LMO1: variants seen among roughly 807,000 people sequenced by gnomAD.
The protein encoded by LMO1 is rhombotin-1.
Under a neutral mutation model 18.0 loss-of-function variants are expected in LMO1, and 10 were observed. The observed-to-expected ratio is 0.55, with a 90% CI of 0.34 to 0.94. The LOEUF (loss-of-function observed/expected upper bound fraction) is 0.94. Among genes scored for constraint, LMO1 ranks in the 40% least tolerant of loss-of-function variants. LMO1 has a pLI of 0.02. For missense variants in LMO1, 183 were observed against 205.7 expected, an observed-to-expected ratio of 0.89 and a Z score of 0.68; for synonymous variants, 77 against 77.9, an observed-to-expected ratio of 0.99 and a Z score of 0.06.
At chr11:8,248,204 C>T (rs867918529) in intron 1 of LMO1, among the ~76,000 whole-genome samples, 1 of 152,254 alleles carries the variant, frequency 6.6e-6, no homozygotes, top group Non-Finnish European at 1.5e-5. Flanking sequence ...GGCCCTCATG[C>T]CGCTGCCGTC....
At chr11:8,249,854 C>G (rs983418610) in intron 1 of LMO1, among the ~76,000 whole-genome samples, 1 of 152,132 alleles carries the variant, frequency 6.6e-6, no homozygotes, top group Non-Finnish European at 1.5e-5. Context: ...ATTCATTATC[C>G]GCTCAACAAA....
upstream of LMO1, among the ~76,000 whole-genome samples, chr11:8,266,000 A>T (rs1415978775): frequency 6.7e-6 from 1 of 149,996 alleles, no homozygotes; most frequent in Non-Finnish European, 1.5e-5. Flanking sequence ...AAGGTACCTA[A>T]TTGGCAGCCA....
chr11:8,226,374 G>T (rs578230407), intron 3 of LMO1, among the ~76,000 whole-genome samples: 1 of 152,106 alleles, frequency 6.6e-6, no homozygotes, highest in Admixed American at 6.5e-5. Context: ...TTAGCCAGGC[G>T]TGGTGGCACA....
At chr11:8,229,365 C>T (rs955326529) in intron 2 of LMO1, among the ~76,000 whole-genome samples, 7 of 152,186 alleles carry the variant, frequency 4.6e-5, no homozygotes, top group African/African-American at 1.4e-4. Flanking sequence ...CTGATAACCT[C>T]CCCCTTGCAA....
At chr11:8,236,426 G>A (rs765307556) in intron 1 of LMO1, among the ~76,000 whole-genome samples, 30 of 151,068 alleles carry the variant, frequency 2.0e-4, no homozygotes, top group Non-Finnish European at 3.7e-4. Flanking sequence ...GGCTGGTCTC[G>A]AACTCCTGGG....
intron 1 of LMO1, among the ~76,000 whole-genome samples, chr11:8,249,503 T>C (rs1846951875): frequency 6.6e-6 from 1 of 152,228 alleles, no homozygotes; most frequent in Non-Finnish European, 1.5e-5. Flanking sequence ...GTTGTACACA[T>C]GGACATAAAG....
At chr11:8,246,079 T>C (rs1220275719) in intron 1 of LMO1, among the ~76,000 whole-genome samples, 1 of 152,154 alleles carries the variant, frequency 6.6e-6, no homozygotes, top group East Asian at 1.9e-4. Flanking sequence ...ATCCCCGTGA[T>C]CCAATCACCT....
upstream of LMO1, chr11:8,268,716 C>T: frequency 4.2e-6 from 1 of 236,972 alleles, no homozygotes. Flanking sequence ...GCTGCCCGGG[C>T]CGGGCCGCAG....
intron 1 of LMO1, among the ~76,000 whole-genome samples, chr11:8,256,407 C>A (rs896327392): frequency 2.6e-5 from 4 of 152,116 alleles, no homozygotes; most frequent in African/African-American, 4.8e-5. Context: ...ATCATGCTAG[C>A]GGACTACACC....
chr11:8,237,340 C>G (rs1214374232), intron 1 of LMO1, among the ~76,000 whole-genome samples: 2 of 152,234 alleles, frequency 1.3e-5, no homozygotes, highest in Non-Finnish European at 2.9e-5. Flanking sequence ...TAATCTAACT[C>G]TGCAGAATCT....
intron 1 of LMO1, among the ~76,000 whole-genome samples, chr11:8,251,772 TGTGGAGGG>T (rs995661269): frequency 6.1e-5 from 9 of 146,752 alleles, no homozygotes; most frequent in Non-Finnish European, 9.0e-5. Flanking sequence ...GTGTGGTGTG[TGTGGAGGG>T]GTGGAGGGGT....
intron 1 of LMO1, among the ~76,000 whole-genome samples, chr11:8,251,951 AGTGT>A (rs1847006482): frequency 1.1e-5 from 1 of 94,808 alleles, no homozygotes; most frequent in Non-Finnish European, 2.1e-5. Context: ...TGTATGTGGG[AGTGT>A]GTGTTTGTGT....
chr11:8,234,019 C>T (rs1272178689), intron 1 of LMO1, among the ~76,000 whole-genome samples: 2 of 152,190 alleles, frequency 1.3e-5, no homozygotes, highest in African/African-American at 4.8e-5. Flanking sequence ...TTTGCGCCGA[C>T]ACGCACGCCT....
Position 8,263,476 on chromosome 11 carries a change from C to G in LMO1, c.-114G>C. On this transcript the variant is annotated 5_prime_UTR_variant, in exon 1 of 4. Coordinates refer to ENST00000335790, the MANE Select transcript of LMO1 (RefSeq NM_002315.3). The stretch of plus-strand genomic sequence containing the variant: ...GGGCAGCTAGCGGGCTCTAATTACC[C>G]GCTTGTCCGGCTCTTAACCTAGATT... 2.0e-6 allele frequency: 3 copies of G among 1,528,430 alleles called. No homozygotes were observed. The highest frequency in any genetic ancestry group is 2.6e-6 in the Non-Finnish European group (3 of 1,145,936). 94.7% of individuals were successfully genotyped at this position (1,528,430 alleles called of 1,614,324 possible). A position where few individuals can be genotyped will look rare whatever the true frequency, so the allele number is the denominator to read the frequency against.
Position 8,226,959 on chromosome 11 carries a change from C to A in LMO1, c.365+16G>T. 2 of 1,605,084 alleles carry A rather than the reference C, an allele frequency of 1.2e-6. No homozygotes were observed. Among genetic ancestry groups the A allele is most frequent in the Non-Finnish European group, 1.7e-6 (2 of 1,174,086 alleles). ...GCGTCTGGGGAGTGTGTTGGGTCGG[C>A]CAGTCCAGCACTGACCTCTGGTTGC... On this transcript the variant is annotated intron_variant, in intron 3 of 3. Transcript: ENST00000335790.
chr11:8,234,153 A>C (rs1326676968), intron 1 of LMO1, among the ~76,000 whole-genome samples: 1 of 151,950 alleles, frequency 6.6e-6, no homozygotes, highest in East Asian at 1.9e-4. Context: ...CTGAACTCCA[A>C]CCCCTACCTC....
At chr11:8,240,699 G>A (rs1846771087) in intron 1 of LMO1, among the ~76,000 whole-genome samples, 1 of 152,084 alleles carries the variant, frequency 6.6e-6, no homozygotes, top group South Asian at 2.1e-4. Flanking sequence ...TCCCATTCAT[G>A]AGGGTTCTGC....
intron 1 of LMO1, among the ~76,000 whole-genome samples, chr11:8,243,066 G>A (rs1437317031): frequency 1.3e-5 from 2 of 152,210 alleles, no homozygotes; most frequent in African/African-American, 4.8e-5. Flanking sequence ...AAGGGCTGGG[G>A]GTTAAGAGGG....
At chr11:8,229,177 C>T (rs918530842) in intron 2 of LMO1, among the ~76,000 whole-genome samples, 6 of 152,150 alleles carry the variant, frequency 3.9e-5, no homozygotes, top group African/African-American at 1.4e-4. Context: ...CATAAGCCAC[C>T]GCGCCTAGCC....
Sources: gnomAD v4.1 joint callset for allele counts (sites outside exome capture counted in the v4.1 genomes callset) on GRCh38, gnomAD v4.1.1 for gene constraint, MANE v1.5 for transcripts, NCBI Gene and HGNC (gene_info 2026-07-23, HGNC 2026-07-21) for gene names.